The following LMNTD1 variants were observed in gnomAD, a reference collection of about 807,000 sequenced individuals.
LMNTD1 encodes lamin tail domain containing 1.
Under a neutral mutation model 50.9 loss-of-function variants are expected in LMNTD1, and 35 were observed. The ratio of observed to expected loss-of-function variants is 0.69; its 90% confidence interval spans 0.53 to 0.91. The LOEUF (loss-of-function observed/expected upper bound fraction) is 0.91, where lower values mean the gene tolerates loss of function less well. Among genes scored for constraint, LMNTD1 ranks in the 40% least tolerant of loss-of-function variants. LMNTD1 has a pLI of 0.00. For missense variants in LMNTD1, 470 were observed against 475.5 expected (o/e 0.99, Z 0.11); for synonymous variants, 153 against 161.9 (o/e 0.94, Z 0.42).
rs768419387 is a variant in LMNTD1, at chr12:25,549,437, G to A, written c.199C>T (p.Leu67Phe). The A allele has an allele frequency of 1.2e-6, 2 of 1,613,176 alleles. No homozygotes were observed. Among genetic ancestry groups the A allele is most frequent in the Admixed American group, 1.7e-5 (1 of 59,976 alleles). ...LSSSNSSGMP[L>F]GYYLSSPQIS... ...TGAGGACTAGACAGATAGTAACCAA[G>A]AGGCATTCCACTGGAATTTGAAGAT... Residue 67 changes from leucine (L) to phenylalanine (F), a missense_variant, in exon 3 of 10, where the codon CTT becomes TTT. Transcript: ENST00000458174.
At chr12:25,569,818 C>T (rs897192791) in intron 1 of LMNTD1, among the ~76,000 whole-genome samples, 1 of 152,156 alleles carries the variant, frequency 6.6e-6, no homozygotes, top group African/African-American at 2.4e-5. Context: ...TTCCCTGAGG[C>T]CCTCACCAGA....
intron 8 of LMNTD1, among the ~76,000 whole-genome samples, chr12:25,511,920 C>T (rs985585939): frequency 1.3e-5 from 2 of 152,294 alleles, no homozygotes; most frequent in Admixed American, 6.5e-5. Flanking sequence ...TTTGCCCCCC[C>T]TCTTTTCAAC....
chr12:25,503,824 A>G (rs778330504), intron 8 of LMNTD1, 24 bp from the exon 9 acceptor site: 3 of 1,427,062 alleles, frequency 2.1e-6, no homozygotes, highest in Non-Finnish European at 2.9e-6. Flanking sequence ...AAAATAATTA[A>G]AAAAAGGAGA....
intron 9 of LMNTD1, among the ~76,000 whole-genome samples, chr12:25,491,866 C>T (rs1355655068): frequency 6.6e-6 from 1 of 152,082 alleles, no homozygotes; most frequent in Non-Finnish European, 1.5e-5. Context: ...TTTTTGTTAG[C>T]CTTTTAAAAG....
At chr12:25,537,156 G>A (rs552889211) in intron 4 of LMNTD1, among the ~76,000 whole-genome samples, 4 of 152,306 alleles carry the variant, frequency 2.6e-5, no homozygotes, top group South Asian at 2.1e-4. Flanking sequence ...GGGGAGGGGC[G>A]CCCACCATTG....
rs113188364 is a variant in LMNTD1, at chr12:25,629,822, T to G, written c.58+18672A>C. Among the ~76,000 whole-genome samples, 896 of 151,822 alleles carry G rather than the reference T, an allele frequency of 5.9e-3. 4 individuals carry two copies. The highest frequency in any genetic ancestry group is 0.015 in the South Asian group (73 of 4,780). On this transcript the variant is annotated intron_variant, in intron 1 of 7. Coordinates refer to the LMNTD1 transcript ENST00000445693. Reference sequence around the variant, plus strand: ...TAACAGAGAGAAAGAAAAATATATATAGAGAGAGAGACAGTTGAAAAGAGT... The same window carrying G: ...TAACAGAGAGAAAGAAAAATATATAGAGAGAGAGAGACAGTTGAAAAGAGT...
At chr12:25,620,230 G>A (rs1205243352) in intron 1 of LMNTD1, among the ~76,000 whole-genome samples, 1 of 152,086 alleles carries the variant, frequency 6.6e-6, no homozygotes, top group African/African-American at 2.4e-5. Flanking sequence ...GATTCCCCAT[G>A]CAATGTTTTC....
rs1043515643 is a variant in LMNTD1, at chr12:25,487,651, T to C, written c.*23-11191A>G. On this transcript the variant is annotated intron_variant, in intron 9 of 9. Coordinates refer to ENST00000458174, the MANE Select transcript of LMNTD1 (RefSeq NM_001145728.2). The stretch of plus-strand genomic sequence containing the variant: ...CCATTTACATTTAAAGTTAATATTG[T>C]TATGTGTGAATTTGATCCTGTCATT... Among the ~76,000 whole-genome samples the C allele has an allele frequency of 2.3e-5, 3 of 129,840 alleles. No individual in the cohort carries two copies. The Admixed American group carries it at 2.6e-4, about 11-fold the overall frequency. 85.2% of individuals were successfully genotyped at this position (129,840 alleles called of 152,430 possible).
chr12:25,637,101 G>A lies in LMNTD1; in HGVS notation c.58+11393C>T, dbSNP rs369803131. Among the ~76,000 whole-genome samples, 7 of 152,244 alleles carry A rather than the reference G, an allele frequency of 4.6e-5. No individual in the cohort carries two copies. The East Asian group carries it at 1.3e-3, about 29-fold the overall frequency. On this transcript the variant is annotated intron_variant, in intron 1 of 7. Coordinates refer to the LMNTD1 transcript ENST00000445693. The stretch of plus-strand genomic sequence containing the variant: ...AATCACCACTAAAAAACTTGCTCAT[G>A]TAACCAAATACTACCTGTACCTCAA...
chr12:25,565,375 G>A (rs377140825), intron 1 of LMNTD1, among the ~76,000 whole-genome samples: 14 of 152,054 alleles, frequency 9.2e-5, no homozygotes, highest in South Asian at 6.2e-4. Flanking sequence ...AGGTTATCAT[G>A]AGGCTTGCAA....
chr12:25,478,877 A>AT (rs35152375), intron 9 of LMNTD1, among the ~76,000 whole-genome samples: 28,281 of 147,390 alleles, frequency 0.19, 3,105 homozygotes, highest in Non-Finnish European at 0.26. Flanking sequence ...GCAGGTCATG[A>AT]TTTTTTTTTT....
chr12:25,488,026 T>C (rs1938722390), intron 9 of LMNTD1, among the ~76,000 whole-genome samples: 1 of 148,964 alleles, frequency 6.7e-6, no homozygotes, highest in South Asian at 2.2e-4. Context: ...GGGCTTCCCT[T>C]TGAGGGTAAC....
Position 25,552,884 on chromosome 12 carries a change from C to G in LMNTD1, c.76G>C (p.Glu26Gln). Residue 26 changes from glutamate to glutamine, a missense_variant, in exon 2 of 10, where the codon GAG (glutamate) becomes CAG (glutamine). Glu to Gln is a conservative substitution (Grantham distance 29, BLOSUM62 2). Transcript: ENST00000458174. Reference protein sequence around the residue: ...NKVHEQEDKNEKQKQREDKLG... With the variant: ...NKVHEQEDKNQKQKQREDKLG... ...ATGCATGCTCACTGTTTTTGTTTCT[C>G]ATTCTTATCTTCCTGCTCATGGACT... 4 of 1,547,292 alleles carry G rather than the reference C, an allele frequency of 2.6e-6. No homozygotes were observed. Among genetic ancestry groups the G allele is most frequent in the Non-Finnish European group, 3.5e-6 (4 of 1,142,830 alleles).
chr12:25,561,921 G>A (rs1190731184), intron 1 of LMNTD1, among the ~76,000 whole-genome samples: 1 of 152,026 alleles, frequency 6.6e-6, no homozygotes, highest in African/African-American at 2.4e-5. Context: ...GATCTTCGTT[G>A]GTTTAAAGTC....
chr12:25,648,555 G>A (rs115034942), upstream of LMNTD1: 4,151 of 1,551,294 alleles, frequency 2.7e-3, 113 homozygotes, highest in African/African-American at 0.05. Flanking sequence ...GTTGCATGTA[G>A]TGTCCTTAAG....
At position 25,519,586 on chromosome 12, in the gene LMNTD1, T is replaced by TAAAAAAAAAAAAA. The variant is rs781742784; in HGVS notation, c.1016+271_1016+272insTTTTTTTTTTTTT. On this transcript the variant is annotated intron_variant, in intron 7 of 9. Transcript: ENST00000458174. The stretch of plus-strand genomic sequence containing the variant: ...CTGGGTGACAGAGCGAGACTCTGTC[T>TAAAAAAAAAAAAA]CAAAAAAAAAAAAAAAAAAAAAGTG... Among the ~76,000 whole-genome samples, 151 of 74,922 alleles carry TAAAAAAAAAAAAA rather than the reference T, an allele frequency of 2.0e-3. 29 individuals are homozygous for TAAAAAAAAAAAAA. Among genetic ancestry groups the TAAAAAAAAAAAAA allele is most frequent in the East Asian group, 0.011 (21 of 1,986 alleles). The allele number at this position is 74,922 out of a possible 152,430, so 49.2% of individuals were successfully genotyped here. A position where few individuals can be genotyped will look rare whatever the true frequency, so the allele number is the denominator to read the frequency against.
exon 1 of LMNTD1, chr12:25,648,514 G>C (rs1947121902): frequency 6.4e-7 from 1 of 1,551,664 alleles, no homozygotes; most frequent in East Asian, 2.4e-5. Flanking sequence ...CTGGACTCTG[G>C]AAACACCGAT....
At chr12:25,628,026 T>C (rs1946629860) in intron 1 of LMNTD1, among the ~76,000 whole-genome samples, 1 of 133,446 alleles carries the variant, frequency 7.5e-6, no homozygotes, top group African/African-American at 2.8e-5. Flanking sequence ...GAGAATGGCG[T>C]GAACCCGGGA....
At chr12:25,605,330 C>T (rs964917361) in intron 1 of LMNTD1, among the ~76,000 whole-genome samples, 1 of 152,154 alleles carries the variant, frequency 6.6e-6, no homozygotes, top group African/African-American at 2.4e-5. Flanking sequence ...TTTTGCTGTG[C>T]AGAAGCTCTA....
Sources: gnomAD v4.1 joint callset for allele counts (sites outside exome capture counted in the v4.1 genomes callset) on GRCh38, gnomAD v4.1.1 for gene constraint, MANE v1.5 for transcripts, NCBI Gene and HGNC (gene_info 2026-07-23, HGNC 2026-07-21) for gene names.